Variants in CRISP1 observed in about 807,000 individuals in gnomAD.
CRISP1 encodes the protein cysteine-rich secretory protein 1.
A neutral mutation model predicts 33.1 loss-of-function variants in CRISP1; 44 were observed. The ratio of observed to expected loss-of-function variants is 1.33; its 90% confidence interval spans 1.05 to 1.71. CRISP1 has a LOEUF of 1.71. Ranked by LOEUF, CRISP1 falls within the 40% of genes most tolerant of loss-of-function variation. The pLI is 0.00. For missense variants in CRISP1, 390 were observed against 301.2 expected (o/e 1.29, Z -2.18); for synonymous variants, 103 against 98.7 (o/e 1.04, Z -0.26).
chr6:49,852,621 G>A (rs1771383138), intron 2 of CRISP1, among the ~76,000 whole-genome samples: 1 of 152,164 alleles, frequency 6.6e-6, no homozygotes, highest in African/African-American at 2.4e-5. Flanking sequence ...AAAGTTGCAA[G>A]TGTTATTAAC....
upstream of CRISP1, among the ~76,000 whole-genome samples, chr6:49,869,488 G>A (rs1477789254): frequency 6.6e-6 from 1 of 152,120 alleles, no homozygotes; most frequent in Admixed American, 6.6e-5. Context: ...GACCACACAA[G>A]AGCATAACTA....
chr6:49,876,396 A>G (rs570595535), intron 1 of CRISP1, among the ~76,000 whole-genome samples: 1 of 152,118 alleles, frequency 6.6e-6, no homozygotes, highest in African/African-American at 2.4e-5. Flanking sequence ...ACAATTGCTG[A>G]TAAGGTTGCA....
At chr6:49,873,535 C>G (rs985463900) in intron 1 of CRISP1, among the ~76,000 whole-genome samples, 2 of 152,058 alleles carry the variant, frequency 1.3e-5, no homozygotes, top group Admixed American at 6.6e-5. Flanking sequence ...GAATATAATA[C>G]TTGAAATGGT....
Position 49,835,451 on chromosome 6 carries a change from AAAATAGT to A in CRISP1, c.623-15_623-9del. The A allele has an allele frequency of 6.2e-7, 1 of 1,612,682 alleles. No individual in the cohort carries two copies. Among genetic ancestry groups the A allele is most frequent in the Non-Finnish European group, 8.5e-7 (1 of 1,179,304 alleles). On this transcript the variant is annotated splice_polypyrimidine_tract_variant and intron_variant, in intron 7 of 7. Coordinates refer to ENST00000335847, the MANE Select transcript of CRISP1 (RefSeq NM_001131.3). ...AGTAGATGCAGGGGTTAGCTGAAAG[AAAATAGT>A]ATGGTTTTACAACACAGTCTTTTAA...
intron 1 of CRISP1, among the ~76,000 whole-genome samples, chr6:49,858,388 G>C (rs1212316881): frequency 6.6e-6 from 1 of 152,090 alleles, no homozygotes; most frequent in Non-Finnish European, 1.5e-5. Flanking sequence ...CTAACAGTTT[G>C]GTTCTCATTT....
At chr6:49,840,835 G>A (rs900872970) in intron 6 of CRISP1, 63 bp downstream of exon 6, 2 of 1,307,298 alleles carry the variant, frequency 1.5e-6, no homozygotes, top group African/African-American at 1.5e-5. Flanking sequence ...AAAAAACAAT[G>A]TTTGAAAAAC....
intron 5 of CRISP1, among the ~76,000 whole-genome samples, chr6:49,844,221 T>C (rs1278175291): frequency 6.6e-6 from 1 of 152,186 alleles, no homozygotes; most frequent in Non-Finnish European, 1.5e-5. Flanking sequence ...TTTATGGATT[T>C]AATCATACAT....
At chr6:49,857,444 T>C (rs1771528099) in intron 1 of CRISP1, 42 bp from the exon 2 acceptor site, 3 of 1,551,450 alleles carry the variant, frequency 1.9e-6, no homozygotes, top group Non-Finnish European at 2.7e-6. Flanking sequence ...TCTCAATTCA[T>C]GGGATAACAT....
Position 49,852,136 on chromosome 6 carries a change from C to T in CRISP1, c.67-7G>A, listed in dbSNP as rs1444123900. Reference sequence around the variant, plus strand: ...GGTCTCTAGCTGATTTCTTCTGTTACCAGAAAAATATTAATTAGTGTTACT... The same window carrying T: ...GGTCTCTAGCTGATTTCTTCTGTTATCAGAAAAATATTAATTAGTGTTACT... On this transcript the variant is annotated splice_region_variant and splice_polypyrimidine_tract_variant and intron_variant, in intron 2 of 7. Transcript: ENST00000335847. 5.0e-6 allele frequency: 8 copies of T among 1,607,962 alleles called. No homozygotes were observed. Among genetic ancestry groups the T allele is most frequent in the Non-Finnish European group, 6.8e-6 (8 of 1,177,884 alleles).
intron 7 of CRISP1, among the ~76,000 whole-genome samples, chr6:49,838,175 G>T (rs1770864959): frequency 6.6e-6 from 1 of 152,130 alleles, no homozygotes; most frequent in African/African-American, 2.4e-5. Context: ...ATTTTATCTA[G>T]GTTGACCCTA....
intron 1 of CRISP1, among the ~76,000 whole-genome samples, chr6:49,875,871 C>A (rs1462518369): frequency 6.6e-6 from 1 of 152,042 alleles, no homozygotes; most frequent in Non-Finnish European, 1.5e-5. Context: ...TGGATCCTTT[C>A]CTTACACCTT....
At chr6:49,873,860 A>C (rs1033522146) in intron 1 of CRISP1, among the ~76,000 whole-genome samples, 1 of 152,096 alleles carries the variant, frequency 6.6e-6, no homozygotes, top group African/African-American at 2.4e-5. Context: ...ATTTCAGTGA[A>C]TCAGAACCAT....
At chr6:49,868,555 T>C (rs1421487529), upstream of CRISP1, among the ~76,000 whole-genome samples, 1 of 152,210 alleles carries the variant, frequency 6.6e-6, no homozygotes, top group African/African-American at 2.4e-5. Context: ...CCCAGATATA[T>C]AATACATGTT....
chr6:49,875,471 C>A (rs1256529922), intron 1 of CRISP1, among the ~76,000 whole-genome samples: 1 of 151,920 alleles, frequency 6.6e-6, no homozygotes, highest in Non-Finnish European at 1.5e-5. Flanking sequence ...TGGATATACT[C>A]CCCAAAGTAA....
At chr6:49,847,972 TCAGAACTTGGAATCTGAAAACTC>T (rs1219588866) in intron 4 of CRISP1, among the ~76,000 whole-genome samples, 2 of 152,102 alleles carry the variant, frequency 1.3e-5, no homozygotes, top group Non-Finnish European at 2.9e-5. Flanking sequence ...CTCCTGATGG[TCAGAACTTGGAATCTGAAAACTC>T]CAGAACTTGG....
Position 49,848,283 on chromosome 6 carries a change from G to T in CRISP1, c.212C>A (p.Ala71Asp). The T allele has an allele frequency of 6.2e-7, 1 of 1,602,844 alleles. No homozygotes were observed. Among genetic ancestry groups the T allele is most frequent in the South Asian group, 1.1e-5 (1 of 89,276 alleles). ...NMLKMSWSEE[A>D]AQNARIFSKY... ...TGAAAAAATTCTGGCATTTTGTGCA[G>T]CCTCTTCACTCCAACTCTGTAGTGG... Residue 71 changes from alanine (A) to aspartate (D), a missense_variant, in exon 4 of 8, where the codon GCT (alanine) becomes GAT (aspartate). Physicochemically the swap from Ala to Asp is moderately radical, Grantham distance 126. Coordinates refer to ENST00000335847, the MANE Select transcript of CRISP1 (RefSeq NM_001131.3).
At chr6:49,870,547 A>G (rs1270757746), upstream of CRISP1, among the ~76,000 whole-genome samples, 1 of 152,170 alleles carries the variant, frequency 6.6e-6, no homozygotes, top group Non-Finnish European at 1.5e-5. Flanking sequence ...AAGTAAGTAA[A>G]TACATACCTT....
At position 49,848,215 on chromosome 6, in the gene CRISP1, G is replaced by A. The variant is rs1771245457; in HGVS notation, c.280C>T (p.Leu94Phe). 6.4e-7 allele frequency: 1 copy of A among 1,570,668 alleles called. No homozygotes were observed. The highest frequency in any genetic ancestry group is 8.6e-7 in the Non-Finnish European group (1 of 1,161,130). ...CATATAGATACACACTTACTTGGAA[G>A]TCTCCTCTCAAGGGGGTTGCTCTCT... ...MTESNPLERR[L>F]PNTFCGENMH... The change falls in exon 4 of 8, where the codon CTT (leucine) becomes TTT (phenylalanine). Residue 94 changes from leucine (L) to phenylalanine (F), a missense_variant. By Grantham distance (22) the Leu-to-Phe change is conservative. Transcript: ENST00000335847.
intron 2 of CRISP1, among the ~76,000 whole-genome samples, chr6:49,853,345 T>C (rs914856516): frequency 1.3e-5 from 2 of 152,194 alleles, no homozygotes; most frequent in Non-Finnish European, 2.9e-5. Flanking sequence ...ATGGATTTTT[T>C]TCTTACTTCC....
Sources: gnomAD v4.1 joint callset for allele counts (sites outside exome capture counted in the v4.1 genomes callset) on GRCh38, gnomAD v4.1.1 for gene constraint, MANE v1.5 for transcripts, NCBI Gene and HGNC (gene_info 2026-07-23, HGNC 2026-07-21) for gene names.